HDHD3: variants seen among roughly 807,000 people sequenced by gnomAD.
HDHD3 encodes haloacid dehalogenase-like hydrolase domain-containing protein 3.
HDHD3 carries 6 observed loss-of-function variants against 6.9 expected under a neutral mutation model. The observed-to-expected ratio is 0.87, with a 90% confidence interval of 0.48 to 1.72. HDHD3 has a LOEUF of 1.72. Ranked by LOEUF, HDHD3 falls within the 40% of genes most tolerant of loss-of-function variation. HDHD3 has a pLI of 0.01. For synonymous variants in HDHD3, 139 were observed against 140.7 expected (o/e 0.99, Z 0.08); for missense variants, 308 against 327.4 (o/e 0.94, Z 0.46).
Position 113,374,208 on chromosome 9 carries a change from G to A in HDHD3, c.147C>T (p.Phe49=), listed in dbSNP as rs1225610187. The A allele has an allele frequency of 1.2e-6, 2 of 1,607,212 alleles. No individual in the cohort carries two copies. The highest frequency in any genetic ancestry group is 1.7e-5 in the Admixed American group (1 of 59,674). The part of the protein sequence containing the change: ...EVEPSALEQG[F]RQAYRAQSHS... ...GGCTCTGAGCCCTGTATGCCTGCCT[G>A]AAGCCTTGTTCCAGGGCTGAGGGCT... Residue 49 remains phenylalanine (F), a synonymous_variant, in exon 3 of 3, where the codon TTC becomes TTT. Transcript: ENST00000374180.
chr9:113,373,475 TGACAAAGGCCGCAG>T lies in HDHD3; in HGVS notation c.*110_*123del. ...CTCACTGCTTTATTATCACAGTAGG[TGACAAAGGCCGCAG>T]GGAGAGGGGGAAAGGTCCAGAGCTG... is the stretch of plus-strand genomic sequence containing the variant. On this transcript the variant is annotated 3_prime_UTR_variant, in exon 3 of 3. Coordinates refer to ENST00000374180, the MANE Select transcript of HDHD3 (RefSeq NM_001304509.2). The T allele has an allele frequency of 9.4e-7, 1 of 1,065,778 alleles. No homozygotes were observed. Among genetic ancestry groups the T allele is most frequent in the East Asian group, 2.4e-5 (1 of 41,484 alleles). 66.0% of individuals were successfully genotyped at this position (1,065,778 alleles called of 1,614,324 possible).
At position 113,373,729 on chromosome 9, in the gene HDHD3, A is replaced by G; in HGVS notation, c.626T>C (p.Phe209Ser). The G allele has an allele frequency of 6.2e-7, 1 of 1,614,062 alleles. No homozygotes were observed. The highest frequency in any genetic ancestry group is 8.5e-7 in the Non-Finnish European group (1 of 1,179,972). ...CAGTGCCTGTGGGCCAACCACCAGG[A>G]AGCTGTGCATGCCCACAGCCCGAGG... ...QGPRAVGMHS[F>S]LVVGPQALDP... Residue 209 changes from phenylalanine to serine, a missense_variant, in exon 3 of 3, where the codon TTC becomes TCC. Transcript: ENST00000374180.
At chr9:113,376,558 A>T (rs1834469501) in intron 1 of HDHD3, among the ~76,000 whole-genome samples, 171 bp downstream of exon 1, 1 of 149,232 alleles carries the variant, frequency 6.7e-6, no homozygotes, top group African/African-American at 2.5e-5. Context: ...TATGTTAGCC[A>T]GGCTGGTCTC....
At position 113,373,872 on chromosome 9, in the gene HDHD3, C is replaced by T. The variant is rs1834391571; in HGVS notation, c.483G>A (p.Glu161=). ...REHFDFVLTS[E]AAGWPKPDPR... Reference sequence around the variant, plus strand: ...GGTCCGGCTTGGGCCAGCCAGCAGCCTCGGAGGTCAGCACAAAGTCGAAGT... The same window carrying T: ...GGTCCGGCTTGGGCCAGCCAGCAGCTTCGGAGGTCAGCACAAAGTCGAAGT... Residue 161 remains glutamate, a synonymous_variant, in exon 3 of 3, where the codon GAG becomes GAA. Transcript: ENST00000374180. 5 of 1,614,262 alleles carry T rather than the reference C, an allele frequency of 3.1e-6. No individual in the cohort carries two copies. In the East Asian group the frequency reaches 1.1e-4, roughly 36 times the overall value.
chr9:113,374,211 G>T lies in HDHD3; in HGVS notation c.144C>A (p.Gly48=), dbSNP rs149306882. Reference sequence around the variant, plus strand: ...TCTGAGCCCTGTATGCCTGCCTGAAGCCTTGTTCCAGGGCTGAGGGCTCCA... The same window carrying T: ...TCTGAGCCCTGTATGCCTGCCTGAATCCTTGTTCCAGGGCTGAGGGCTCCA... ...LEVEPSALEQ[G]FRQAYRAQSH... The change falls in exon 3 of 3, where the codon GGC becomes GGA. Residue 48 remains glycine, a synonymous_variant. Coordinates refer to ENST00000374180, the MANE Select transcript of HDHD3 (RefSeq NM_001304509.2). 1.2e-6 allele frequency: 2 copies of T among 1,607,342 alleles called. No homozygotes were observed. The highest frequency in any genetic ancestry group is 1.7e-5 in the Admixed American group (1 of 59,682).
chr9:113,376,600 C>G (rs1168017253), intron 1 of HDHD3, 129 bp downstream of exon 1: 2 of 148,670 alleles, frequency 1.3e-5, no homozygotes, highest in African/African-American at 5.0e-5. Context: ...TCCCCCGCCC[C>G]ACCCCGCCCC....
In HDHD3 at chr9:113,374,265, G is replaced by A; in HGVS notation, c.90C>T (p.Ala30=). The change falls in exon 3 of 3, where the codon GCC becomes GCT. Residue 30 remains alanine (A), a synonymous_variant. Coordinates refer to ENST00000374180, the MANE Select transcript of HDHD3 (RefSeq NM_001304509.2). ...CCAGCCCATGGGCCCGGGCCTTGGT[G>A]GCATAGGCCTCCCCTAAGGGGTGGC... ...RLRHPLGEAY[A]TKARAHGLEV... 1 of 1,592,796 alleles carries A rather than the reference G, an allele frequency of 6.3e-7. No homozygotes were observed. Among genetic ancestry groups the A allele is most frequent in the Non-Finnish European group, 8.6e-7 (1 of 1,168,500 alleles).
chr9:113,374,453 A>G lies in HDHD3; in HGVS notation c.-99T>C. 2 of 1,121,728 alleles carry G rather than the reference A, an allele frequency of 1.8e-6. No individual in the cohort carries two copies. The highest frequency in any genetic ancestry group is 2.4e-6 in the Non-Finnish European group (2 of 833,368). The allele number at this position is 1,121,728 out of a possible 1,614,324, so 69.5% of individuals were successfully genotyped here. ...ACCACCTCTGCGCAACCTAACAATC[A>G]CCTCTTTCCAGGCCTTGTGGGTCAG... is the stretch of plus-strand genomic sequence containing the variant. On this transcript the variant is annotated 5_prime_UTR_variant, in exon 3 of 3. Coordinates refer to ENST00000374180, the MANE Select transcript of HDHD3 (RefSeq NM_001304509.2).
Position 113,373,496 on chromosome 9 carries a change from G to C in HDHD3, c.*103C>G, listed in dbSNP as rs1296686995. 1.6e-6 allele frequency: 2 copies of C among 1,277,772 alleles called. No homozygotes were observed. The highest frequency in any genetic ancestry group is 3.0e-5 in the African/African-American group (2 of 67,206). 79.2% of individuals were successfully genotyped at this position (1,277,772 alleles called of 1,614,324 possible). A position where few individuals can be genotyped will look rare whatever the true frequency, so the allele number is the denominator to read the frequency against. ...TAGGTGACAAAGGCCGCAGGGAGAG[G>C]GGGAAAGGTCCAGAGCTGTGGAGAA... On this transcript the variant is annotated 3_prime_UTR_variant, in exon 3 of 3. Transcript: ENST00000374180.
rs146410311 is a variant in HDHD3, at chr9:113,374,085, A to T, written c.270T>A (p.Asp90Glu). ...CAGCGATGGGGGCTACAGCCTGAGCATCCTGGACACCCGCCAGGTGGAAGG... is the reference window on the plus strand; with the variant it reads ...CAGCGATGGGGGCTACAGCCTGAGCTTCCTGGACACCCGCCAGGTGGAAGG... ...LQTFHLAGVQ[D>E]AQAVAPIAEQ... The change falls in exon 3 of 3, where the codon GAT becomes GAA. Residue 90 changes from aspartate (D) to glutamate (E), a missense_variant. Physicochemically the swap from Asp to Glu is conservative, Grantham distance 45. Transcript: ENST00000374180. 16 of 1,608,174 alleles carry T rather than the reference A, an allele frequency of 9.9e-6. No homozygotes were observed. The highest frequency in any genetic ancestry group is 5.0e-5 in the Admixed American group (3 of 59,882).
At position 113,374,307 on chromosome 9, in the gene HDHD3, G is replaced by A. The variant is rs768554554; in HGVS notation, c.48C>T (p.Asp16=). Reference sequence around the variant, plus strand: ...AGGGGTGGCGGAGCCTGAGCAGCGTGTCCTTCACATCCCACGTCAGCAGTC... The same window carrying A: ...AGGGGTGGCGGAGCCTGAGCAGCGTATCCTTCACATCCCACGTCAGCAGTC... ...QIRLLTWDVK[D]TLLRLRHPLG... is the part of the protein sequence containing the mutation. Residue 16 remains aspartate (D), a synonymous_variant, in exon 3 of 3, where the codon GAC becomes GAT. Coordinates refer to ENST00000374180, the MANE Select transcript of HDHD3 (RefSeq NM_001304509.2). 29 of 1,534,160 alleles carry A rather than the reference G, an allele frequency of 1.9e-5. No individual in the cohort carries two copies. Among genetic ancestry groups the A allele is most frequent in the Non-Finnish European group, 3.5e-6 (4 of 1,139,262 alleles).
In HDHD3 at chr9:113,374,383, C is replaced by G. The variant is rs781001913; in HGVS notation, c.-29G>C. On this transcript the variant is annotated 5_prime_UTR_variant, in exon 3 of 3. Transcript: ENST00000374180. ...GGAGGCCAAGTCCACCCCAGTTCTG[C>G]CTCAGGTCCCACGGTGGGTCCCAGG... 6.7e-7 allele frequency: 1 copy of G among 1,497,406 alleles called. No homozygotes were observed. The highest frequency in any genetic ancestry group is 1.4e-5 in the African/African-American group (1 of 71,606). The allele number at this position is 1,497,406 out of a possible 1,614,324, so 92.8% of individuals were successfully genotyped here.
chr9:113,375,977 C>T (rs1834449323), intron 1 of HDHD3: 1 of 151,594 alleles, frequency 6.6e-6, no homozygotes, highest in Non-Finnish European at 1.5e-5. Context: ...TAATTTACCC[C>T]CAAATCACAC....
chr9:113,373,493 G>A lies in HDHD3; in HGVS notation c.*106C>T, dbSNP rs1224183636. On this transcript the variant is annotated 3_prime_UTR_variant, in exon 3 of 3. Transcript: ENST00000374180. ...CAGTAGGTGACAAAGGCCGCAGGGA[G>A]AGGGGGAAAGGTCCAGAGCTGTGGA... 8.0e-7 allele frequency: 1 copy of A among 1,244,150 alleles called. No homozygotes were observed. Among genetic ancestry groups the A allele is most frequent in the Non-Finnish European group, 1.1e-6 (1 of 904,964 alleles). The allele number at this position is 1,244,150 out of a possible 1,614,324, so 77.1% of individuals were successfully genotyped here.
Position 113,373,678 on chromosome 9 carries a change from G to A in HDHD3, c.677C>T (p.Pro226Leu), listed in dbSNP as rs760418985. 1 of 1,613,856 alleles carries A rather than the reference G, an allele frequency of 6.2e-7. No individual in the cohort carries two copies. The highest frequency in any genetic ancestry group is 1.1e-5 in the South Asian group (1 of 91,000). ...ALDPVVRDSV[P>L]KEHILPSLAH... ...CAGAGAGGGGAGGATGTGTTCTTTAGGTACAGAATCCCTGACCACGGGGTC... is the reference window on the plus strand; with the variant it reads ...CAGAGAGGGGAGGATGTGTTCTTTAAGTACAGAATCCCTGACCACGGGGTC... The change falls in exon 3 of 3, where the codon CCT becomes CTT. Residue 226 changes from proline to leucine, a missense_variant. By Grantham distance (98) the Pro-to-Leu change is moderately conservative. Coordinates refer to ENST00000374180, the MANE Select transcript of HDHD3 (RefSeq NM_001304509.2).
Position 113,373,600 on chromosome 9 carries a change from C to G in HDHD3, c.755G>C (p.Ter252SerextTer3). The change falls in exon 3 of 3, where the codon TGA becomes TCA. Residue 252 changes from the stop codon to serine (S), a stop_lost. Transcript: ENST00000374180. ...DCLEGSTPGL[*>S] Reference sequence around the variant, plus strand: ...GCCCAGCCACTTCCCTCACTGGCCTCAAAGCCCTGGAGTTGAGCCCTCTAG... The same window carrying G: ...GCCCAGCCACTTCCCTCACTGGCCTGAAAGCCCTGGAGTTGAGCCCTCTAG... 6.4e-7 allele frequency: 1 copy of G among 1,557,922 alleles called. No homozygotes were observed. Among genetic ancestry groups the G allele is most frequent in the Non-Finnish European group, 8.7e-7 (1 of 1,151,374 alleles).
Position 113,376,791 on chromosome 9 carries a change from A to T in HDHD3, c.-353T>A, listed in dbSNP as rs1458141218. On this transcript the variant is annotated 5_prime_UTR_variant, in exon 1 of 3. Transcript: ENST00000374180. The stretch of plus-strand genomic sequence containing the variant: ...TCCAGGAGCCCGGACCTGACGCAGA[A>T]TGTCTATAGCTGCCGTCGGCAGCGT... 6.6e-6 allele frequency: 1 copy of T among 152,186 alleles called. No homozygotes were observed. The highest frequency in any genetic ancestry group is 1.9e-4 in the East Asian group (1 of 5,174). 9.4% of individuals were successfully genotyped at this position (152,186 alleles called of 1,614,324 possible).
chr9:113,374,465 G>A lies in HDHD3; in HGVS notation c.-111C>T. ...CAACCTAACAATCACCTCTTTCCAG[G>A]CCTTGTGGGTCAGATTTGCTGGCTA... is the stretch of plus-strand genomic sequence containing the variant. On this transcript the variant is annotated 5_prime_UTR_variant, in exon 3 of 3. Transcript: ENST00000374180. The A allele has an allele frequency of 1.0e-6, 1 of 981,084 alleles. No homozygotes were observed. Among genetic ancestry groups the A allele is most frequent in the Non-Finnish European group, 1.4e-6 (1 of 710,728 alleles). The allele number at this position is 981,084 out of a possible 1,614,324, so 60.8% of individuals were successfully genotyped here.
At position 113,373,495 on chromosome 9, in the gene HDHD3, G is replaced by C; in HGVS notation, c.*104C>G. ...GTAGGTGACAAAGGCCGCAGGGAGA[G>C]GGGGAAAGGTCCAGAGCTGTGGAGA... On this transcript the variant is annotated 3_prime_UTR_variant, in exon 3 of 3. Transcript: ENST00000374180. 2.4e-6 allele frequency: 3 copies of C among 1,264,976 alleles called. No individual in the cohort carries two copies. The South Asian group carries it at 4.6e-5, about 19-fold the overall frequency. The allele number at this position is 1,264,976 out of a possible 1,614,324, so 78.4% of individuals were successfully genotyped here. A position where few individuals can be genotyped will look rare whatever the true frequency, so the allele number is the denominator to read the frequency against.
Sources: allele counts gnomAD v4.1 joint callset (sites outside exome capture counted in the v4.1 genomes callset), GRCh38; gene constraint gnomAD v4.1.1; transcripts MANE v1.5; gene names NCBI Gene and HGNC (gene_info 2026-07-23, HGNC 2026-07-21).